The following MTHFD1L variants were observed in gnomAD, a reference collection of about 807,000 sequenced individuals.
MTHFD1L encodes the protein monofunctional C1-tetrahydrofolate synthase, mitochondrial.
Under a neutral mutation model 119.5 loss-of-function variants are expected in MTHFD1L, and 81 were observed. The observed-to-expected ratio is 0.68, with a 90% CI of 0.57 to 0.82. MTHFD1L has a LOEUF of 0.82. MTHFD1L is among the 40% of genes least tolerant of loss of function. The pLI, the probability that MTHFD1L is intolerant of heterozygous loss-of-function variation, is 0.00. For synonymous variants in MTHFD1L, 430 were observed against 475.2 expected, an observed-to-expected ratio of 0.90 and a Z score of 1.24; for missense variants, 1,125 against 1,253.4, an observed-to-expected ratio of 0.90 and a Z score of 1.55.
intron 8 of MTHFD1L, among the ~76,000 whole-genome samples, chr6:150,911,046 T>C (rs182162519): frequency 1.4e-3 from 219 of 152,344 alleles, no homozygotes; most frequent in African/African-American, 4.9e-3. Context: ...TTCTTTTATT[T>C]ATTTTTTCCT....
chr6:150,995,514 CA>C (rs71737990), intron 20 of MTHFD1L, among the ~76,000 whole-genome samples: 5,253 of 114,820 alleles, frequency 0.046, 172 homozygotes, highest in Admixed American at 0.16. Flanking sequence ...AACTCCGTCT[CA>C]AAAAAAAAAA....
At chr6:151,030,871 A>G (rs761915668) in intron 24 of MTHFD1L, among the ~76,000 whole-genome samples, 11 of 152,184 alleles carry the variant, frequency 7.2e-5, no homozygotes, top group Admixed American at 2.6e-4. Flanking sequence ...TTCTTCAGCT[A>G]ATATGAACAT....
chr6:151,030,242 G>C (rs1299080498), intron 24 of MTHFD1L, among the ~76,000 whole-genome samples: 1 of 152,186 alleles, frequency 6.6e-6, no homozygotes, highest in Non-Finnish European at 1.5e-5. Context: ...CATTCTCTCT[G>C]AGCCCTTCTA....
rs1457317743 is a variant in MTHFD1L at position 150,936,946 on chromosome 6, G to A, written c.1393+6G>A. ...ACCGACGTTTGGAGTGAAAGGTACTGTCTTTAACAACTAGTGTACTTTTCA... is the reference window on the plus strand; with the variant it reads ...ACCGACGTTTGGAGTGAAAGGTACTATCTTTAACAACTAGTGTACTTTTCA... On this transcript the variant is annotated splice_donor_region_variant and intron_variant, in intron 12 of 27. Transcript: ENST00000367321. 2 of 1,613,498 alleles carry A rather than the reference G, an allele frequency of 1.2e-6. No homozygotes were observed. The highest frequency in any genetic ancestry group is 2.2e-5 in the East Asian group (1 of 44,852).
chr6:150,980,967 G>A (rs999778168), intron 20 of MTHFD1L, among the ~76,000 whole-genome samples: 12 of 151,496 alleles, frequency 7.9e-5, no homozygotes, highest in Non-Finnish European at 1.6e-4. Flanking sequence ...TTTTTTCATG[G>A]TACCGCCCGG....
At chr6:151,012,935 T>G (rs1221330172) in intron 21 of MTHFD1L, among the ~76,000 whole-genome samples, 1 of 152,180 alleles carries the variant, frequency 6.6e-6, no homozygotes, top group Non-Finnish European at 1.5e-5. Flanking sequence ...ACTGGTCAGT[T>G]GAGACCCACC....
At chr6:151,054,698 C>T (rs944847614) in intron 26 of MTHFD1L, among the ~76,000 whole-genome samples, 3 of 152,172 alleles carry the variant, frequency 2.0e-5, no homozygotes, top group Non-Finnish European at 2.9e-5. Context: ...ATAATCAGTT[C>T]TTTCCCCCTA....
chr6:150,936,380 C>A (rs1240634833), intron 11 of MTHFD1L, among the ~76,000 whole-genome samples: 1 of 152,184 alleles, frequency 6.6e-6, no homozygotes, highest in African/African-American at 2.4e-5. Context: ...GCCCTACTCA[C>A]CCAAGGACCG....
chr6:150,866,736 T>A, intron 1 of MTHFD1L: 1 of 1,056,662 alleles, frequency 9.5e-7, no homozygotes, highest in Non-Finnish European at 1.1e-6. Flanking sequence ...CCCGCGCAGC[T>A]GGGTTTGCAG....
chr6:150,927,488 G>C (rs952084401), intron 11 of MTHFD1L, among the ~76,000 whole-genome samples: 29 of 126,546 alleles, frequency 2.3e-4, no homozygotes, highest in Non-Finnish European at 4.4e-4. Flanking sequence ...ACAGAGTCTT[G>C]CTCTGTTGCC....
At chr6:150,998,013 G>A (rs1780050823) in intron 20 of MTHFD1L, among the ~76,000 whole-genome samples, 1 of 152,148 alleles carries the variant, frequency 6.6e-6, no homozygotes, top group Non-Finnish European at 1.5e-5. Flanking sequence ...TGTGACTCTT[G>A]AATGTTTAAC....
intron 26 of MTHFD1L, among the ~76,000 whole-genome samples, chr6:151,091,290 A>G (rs1344606916): frequency 1.4e-5 from 1 of 70,320 alleles, no homozygotes. Flanking sequence ...CTGGGTGCAT[A>G]TTGCTCCATG....
intron 16 of MTHFD1L, among the ~76,000 whole-genome samples, chr6:150,952,213 G>T (rs1794965678): frequency 6.6e-6 from 1 of 152,148 alleles, no homozygotes; most frequent in Non-Finnish European, 1.5e-5. Flanking sequence ...AAACTTTATT[G>T]CTGTGGACAA....
At chr6:150,957,813 C>T (rs1738584) in intron 17 of MTHFD1L, among the ~76,000 whole-genome samples, 43,186 of 151,950 alleles carry the variant, frequency 0.28, 6,477 homozygotes, top group East Asian at 0.49. Context: ...AAAAACCCAG[C>T]GTGTTTACTT....
chr6:151,047,013 A>G (rs73622414), intron 26 of MTHFD1L, among the ~76,000 whole-genome samples: 2,879 of 152,334 alleles, frequency 0.019, 105 homozygotes, highest in African/African-American at 0.065. Flanking sequence ...AACTCGCGGC[A>G]GTTTACAGGC....
intron 11 of MTHFD1L, 66 bp from the exon 12 acceptor site, chr6:150,936,738 T>C (rs1792128727): frequency 1.3e-6 from 2 of 1,559,718 alleles, no homozygotes; most frequent in African/African-American, 2.7e-5. Flanking sequence ...TTCTGGTGTC[T>C]TCGGCTGGTT....
intron 7 of MTHFD1L, among the ~76,000 whole-genome samples, chr6:150,897,829 C>G (rs1026798665): frequency 1.3e-5 from 2 of 152,114 alleles, no homozygotes; most frequent in Non-Finnish European, 2.9e-5. Context: ...TTTTTAAGGT[C>G]GTGGAATTAG....
At chr6:151,010,024 T>C (rs1202206005) in intron 21 of MTHFD1L, 66 bp downstream of exon 21, 2 of 1,493,382 alleles carry the variant, frequency 1.3e-6, no homozygotes, top group Non-Finnish European at 1.8e-6. Context: ...AATTGAGCAT[T>C]TGAAAAATTC....
At chr6:150,924,898 G>A (rs555610850) in intron 10 of MTHFD1L, among the ~76,000 whole-genome samples, 5 of 152,298 alleles carry the variant, frequency 3.3e-5, no homozygotes, top group South Asian at 2.1e-4. Flanking sequence ...AGGAAAGGTC[G>A]GATAGGTGGA....
Sources: gnomAD v4.1 joint callset for allele counts (sites outside exome capture counted in the v4.1 genomes callset) on GRCh38, gnomAD v4.1.1 for gene constraint, MANE v1.5 for transcripts, NCBI Gene and HGNC (gene_info 2026-07-23, HGNC 2026-07-21) for gene names.